Variants in PRPH2 observed in about 807,000 individuals in gnomAD.
PRPH2 encodes peripherin 2.
In PRPH2, 17 loss-of-function variants were observed where a neutral mutation model predicts 31.3. That is an observed-to-expected ratio of 0.54 (90% confidence interval 0.37 to 0.81). PRPH2 has a LOEUF of 0.81. Ranked by LOEUF, PRPH2 falls within the 40% of genes least tolerant of loss-of-function variation. The pLI, the probability that PRPH2 is intolerant of heterozygous loss-of-function variation, is 0.00. For missense variants in PRPH2, 430 were observed against 439.7 expected (o/e 0.98, Z 0.20); for synonymous variants, 165 against 184.4 (o/e 0.89, Z 0.85).
chr6:42,712,065 C>T (rs1010490245), intron 1 of PRPH2: 5 of 649,678 alleles, frequency 7.7e-6, no homozygotes, highest in African/African-American at 4.0e-5. Context: ...AACCATACCT[C>T]GACCCAGACT....
chr6:42,703,536 G>A (rs764201117), intron 2 of PRPH2, among the ~76,000 whole-genome samples: 10 of 152,180 alleles, frequency 6.6e-5, no homozygotes, highest in Non-Finnish European at 1.5e-4. Context: ...ACCAAAAAGT[G>A]GGGACACAGG....
At position 42,705,609 on chromosome 6, in the gene PRPH2, T is replaced by A. The variant is rs1467576432; in HGVS notation, c.582-998A>T. On this transcript the variant is annotated intron_variant, in intron 1 of 2. Coordinates refer to ENST00000230381, the MANE Select transcript of PRPH2 (RefSeq NM_000322.5). ...AAAAAAAAAAAAAAAAATATATATA[T>A]ATATATATATATATATATATATTTG... Among the ~76,000 whole-genome samples, 205 of 52,728 alleles carry A rather than the reference T, an allele frequency of 3.9e-3. 2 individuals are homozygous for A. Among genetic ancestry groups the A allele is most frequent in the African/African-American group, 9.3e-3 (65 of 6,970 alleles). The allele number at this position is 52,728 out of a possible 152,430, so 34.6% of individuals were successfully genotyped here.
intron 1 of PRPH2, among the ~76,000 whole-genome samples, chr6:42,717,140 C>T (rs1430473461): frequency 3.4e-5 from 5 of 148,330 alleles, no homozygotes; most frequent in African/African-American, 4.9e-5. Flanking sequence ...TGGCCAGGAG[C>T]GGTGGCTCAT....
intron 1 of PRPH2, among the ~76,000 whole-genome samples, chr6:42,706,823 C>T (rs750914108): frequency 1.8e-4 from 28 of 152,244 alleles, no homozygotes; most frequent in Admixed American, 7.2e-4. Context: ...AGGTCCTGAC[C>T]GCTATGGCCA....
At chr6:42,706,629 G>T (rs1019656486) in intron 1 of PRPH2, among the ~76,000 whole-genome samples, 13 of 151,496 alleles carry the variant, frequency 8.6e-5, no homozygotes, top group African/African-American at 2.9e-4. Flanking sequence ...AAAATTGCAC[G>T]CGAAGAATGC....
At chr6:42,717,574 A>T (rs1002667214) in intron 1 of PRPH2, among the ~76,000 whole-genome samples, 1 of 152,106 alleles carries the variant, frequency 6.6e-6, no homozygotes, top group African/African-American at 2.4e-5. Context: ...AATAAATATA[A>T]CTTACATTTT....
intron 1 of PRPH2, among the ~76,000 whole-genome samples, chr6:42,715,432 A>C (rs552408994): frequency 6.6e-6 from 1 of 151,928 alleles, no homozygotes; most frequent in African/African-American, 2.4e-5. Flanking sequence ...GCAATTTGGG[A>C]GGCCGAGGCA....
chr6:42,713,371 C>A (rs1761712366), intron 1 of PRPH2, among the ~76,000 whole-genome samples: 1 of 152,200 alleles, frequency 6.6e-6, no homozygotes, highest in Non-Finnish European at 1.5e-5. Context: ...GTGTCCCCCT[C>A]TTCCTGGCCC....
In PRPH2 at chr6:42,714,119, G is replaced by A. The variant is rs116783359; in HGVS notation, c.581+7635C>T. Among the ~76,000 whole-genome samples the A allele has an allele frequency of 4.2e-3, 637 of 152,034 alleles. 4 individuals carry two copies. Among genetic ancestry groups the A allele is most frequent in the African/African-American group, 0.015 (618 of 41,462 alleles). On this transcript the variant is annotated intron_variant, in intron 1 of 2. Coordinates refer to ENST00000230381, the MANE Select transcript of PRPH2 (RefSeq NM_000322.5). ...ACAGGAGAGTAAGGTGAAAAGAGCA[G>A]AATTAAAATCTGACATGCCATATAA...
At chr6:42,700,849 CAAGT>C (rs2152004381) in intron 2 of PRPH2, among the ~76,000 whole-genome samples, 1 of 152,336 alleles carries the variant, frequency 6.6e-6, no homozygotes, top group South Asian at 2.1e-4. Flanking sequence ...TTAAAGGCCC[CAAGT>C]AAAAGGGGCA....
At chr6:42,712,081 T>C in intron 1 of PRPH2, 1 of 560,520 alleles carries the variant, frequency 1.8e-6, no homozygotes. Context: ...AGACTACTGG[T>C]TTATGAGGAA....
chr6:42,722,308 G>C lies in PRPH2; in HGVS notation c.27C>G (p.Asp9Glu). 1 of 1,613,954 alleles carries C rather than the reference G, an allele frequency of 6.2e-7. No homozygotes were observed. Among genetic ancestry groups the C allele is most frequent in the Non-Finnish European group, 8.5e-7 (1 of 1,180,038 alleles). Reference protein sequence around the residue: MALLKVKFDQKKRVKLAQG... With the variant: MALLKVKFEQKKRVKLAQG... Reference sequence around the variant, plus strand: ...GGGCCAACTTGACCCGCTTCTTCTGGTCAAACTTGACTTTCAGTAGCGCCA... The same window carrying C: ...GGGCCAACTTGACCCGCTTCTTCTGCTCAAACTTGACTTTCAGTAGCGCCA... Residue 9 changes from aspartate to glutamate, a missense_variant, in exon 1 of 3, where the codon GAC becomes GAG. Transcript: ENST00000230381. The surrounding 1 kb of genome is among the most constrained non-coding windows in gnomAD (Gnocchi z 4.4).
At chr6:42,706,580 C>CA (rs58035225) in intron 1 of PRPH2, among the ~76,000 whole-genome samples, 78,519 of 144,224 alleles carry the variant, frequency 0.54, 21,088 homozygotes, top group African/African-American at 0.62. Context: ...GACTCTGTCT[C>CA]AAAAAACAAA....
At chr6:42,708,304 C>G (rs1168542792) in intron 1 of PRPH2, among the ~76,000 whole-genome samples, 1 of 152,212 alleles carries the variant, frequency 6.6e-6, no homozygotes, top group Non-Finnish European at 1.5e-5. Context: ...GAGCACCTGC[C>G]CGCTGGCACT....
At chr6:42,703,207 AT>A (rs1437983441) in intron 2 of PRPH2, among the ~76,000 whole-genome samples, 2 of 152,196 alleles carry the variant, frequency 1.3e-5, no homozygotes, top group South Asian at 2.1e-4. Flanking sequence ...TCTAAAAAAA[AT>A]AATAATAAAC....
intron 1 of PRPH2, among the ~76,000 whole-genome samples, chr6:42,705,833 C>T (rs1341466405): frequency 2.7e-5 from 4 of 150,088 alleles, no homozygotes; most frequent in African/African-American, 9.8e-5. Context: ...GTGGCACGCG[C>T]CTGTAGTCCC....
At chr6:42,704,289 T>G in intron 2 of PRPH2, 76 bp downstream of exon 2, 1 of 1,549,832 alleles carries the variant, frequency 6.5e-7, no homozygotes. Flanking sequence ...TCTCCAAGCC[T>G]GGCTCCGCCC....
intron 1 of PRPH2, among the ~76,000 whole-genome samples, chr6:42,705,591 A>T (rs1439602599): frequency 4.7e-3 from 21 of 4,516 alleles, no homozygotes; most frequent in Admixed American, 5.8e-3. Flanking sequence ...AAAAAAAAAA[A>T]AAAAAAAAAT....
Position 42,698,489 on chromosome 6 carries a change from G to A in PRPH2, c.847C>T (p.Leu283=). Residue 283 remains leucine (L), a synonymous_variant, in exon 3 of 3, where the codon CTG becomes TTG. Transcript: ENST00000230381. ...TCCAGCGACGTCTGTAGGTAGCGCA[G>A]CCCAATTGTAATGGTCACCTGGTGG... is the stretch of plus-strand genomic sequence containing the variant. ...WLFEVTITIG[L]RYLQTSLDGV... is the part of the protein sequence containing the mutation. 1 of 1,614,172 alleles carries A rather than the reference G, an allele frequency of 6.2e-7. No individual in the cohort carries two copies. The highest frequency in any genetic ancestry group is 2.2e-5 in the East Asian group (1 of 44,862).
Sources: gnomAD v4.1 joint callset for allele counts (sites outside exome capture counted in the v4.1 genomes callset) on GRCh38, gnomAD v4.1.1 for gene constraint, Gnocchi (gnomAD v3.1) non-coding constraint, MANE v1.5 for transcripts, NCBI Gene and HGNC (gene_info 2026-07-23, HGNC 2026-07-21) for gene names.